SORCS3: variants seen among roughly 807,000 people sequenced by gnomAD.
SORCS3 encodes the protein sortilin related VPS10 domain containing receptor 3, also known as VPS10 domain-containing receptor SorCS3.
SORCS3 carries 57 observed loss-of-function variants against 146.3 expected under a neutral mutation model. The observed-to-expected ratio is 0.39, with a 90% confidence interval of 0.31 to 0.49. The LOEUF is 0.49. Ranked by LOEUF, SORCS3 falls within the 20% of genes least tolerant of loss-of-function variation. SORCS3 has a pLI of 0.92. For missense variants in SORCS3, 1,341 were observed against 1,575.5 expected (o/e 0.85, Z 2.52); for synonymous variants, 653 against 618.5 (o/e 1.06, Z -0.83).
chr10:105,162,219 A>C (rs1186335447), intron 11 of SORCS3, among the ~76,000 whole-genome samples: 1 of 152,196 alleles, frequency 6.6e-6, no homozygotes, highest in Non-Finnish European at 1.5e-5. Context: ...ATGAGGGTGA[A>C]AGCAAGTTGT....
intron 1 of SORCS3, among the ~76,000 whole-genome samples, chr10:104,812,085 C>T (rs528599602): frequency 1.2e-4 from 18 of 152,268 alleles, no homozygotes; most frequent in Non-Finnish European, 2.2e-4. Flanking sequence ...GGTAGTAGCA[C>T]CCTGAAAGGA....
At chr10:104,830,130 C>G (rs2017984227) in intron 1 of SORCS3, among the ~76,000 whole-genome samples, 1 of 152,128 alleles carries the variant, frequency 6.6e-6, no homozygotes, top group Non-Finnish European at 1.5e-5. Context: ...TCATCTCCCA[C>G]TTATGAGTGA....
intron 16 of SORCS3, among the ~76,000 whole-genome samples, chr10:105,209,743 A>G (rs941403367): frequency 2.0e-5 from 3 of 152,172 alleles, no homozygotes; most frequent in African/African-American, 7.2e-5. Context: ...ACATATAGAA[A>G]GATAAAGAGG....
At chr10:105,234,751 G>A (rs1442308309) in intron 20 of SORCS3, among the ~76,000 whole-genome samples, 1 of 151,242 alleles carries the variant, frequency 6.6e-6, no homozygotes, top group African/African-American at 2.4e-5. Context: ...TGTTTACATT[G>A]CTCATCTGTT....
At chr10:105,138,537 C>G (rs1249820094) in intron 7 of SORCS3, among the ~76,000 whole-genome samples, 1 of 152,220 alleles carries the variant, frequency 6.6e-6, no homozygotes, top group African/African-American at 2.4e-5. Flanking sequence ...GCTATTTTCT[C>G]TGAACAAGCC....
chr10:104,737,010 A>C (rs575256808), intron 1 of SORCS3, among the ~76,000 whole-genome samples: 1 of 151,142 alleles, frequency 6.6e-6, no homozygotes, highest in African/African-American at 2.4e-5. Context: ...ATTCCCATCT[A>C]TGACTGAGAA....
intron 1 of SORCS3, among the ~76,000 whole-genome samples, chr10:104,742,703 A>G (rs555142023): frequency 6.6e-6 from 1 of 152,292 alleles, no homozygotes; most frequent in South Asian, 2.1e-4. Context: ...GGACACTAAA[A>G]ATAAGGGCAA....
At chr10:105,214,131 T>C (rs898016389) in intron 17 of SORCS3, among the ~76,000 whole-genome samples, 1 of 152,144 alleles carries the variant, frequency 6.6e-6, no homozygotes, top group African/African-American at 2.4e-5. Flanking sequence ...CCTCCTCTTT[T>C]GTTGTGTGAG....
intron 1 of SORCS3, among the ~76,000 whole-genome samples, chr10:104,825,466 T>G (rs1374889055): frequency 1.3e-5 from 2 of 152,244 alleles, no homozygotes; most frequent in East Asian, 1.9e-4. Context: ...TATTTTCATT[T>G]GTGTTAATGA....
chr10:104,729,785 G>T (rs2016685346), intron 1 of SORCS3, among the ~76,000 whole-genome samples: 1 of 152,184 alleles, frequency 6.6e-6, no homozygotes, highest in African/African-American at 2.4e-5. Flanking sequence ...CGCCTGTCAG[G>T]AGGTGACTCG....
At chr10:104,959,999 T>C (rs1589567160) in intron 3 of SORCS3, among the ~76,000 whole-genome samples, 2 of 152,272 alleles carry the variant, frequency 1.3e-5, no homozygotes, top group South Asian at 2.1e-4. Context: ...GTCCATTGTC[T>C]CAAAGGGTTG....
chr10:105,100,828 T>C (rs2055779206), intron 6 of SORCS3, among the ~76,000 whole-genome samples: 1 of 152,260 alleles, frequency 6.6e-6, no homozygotes, highest in African/African-American at 2.4e-5. Context: ...TAACATTTAT[T>C]GATCTTTTAA....
intron 8 of SORCS3, among the ~76,000 whole-genome samples, chr10:105,139,820 A>G (rs2056083254): frequency 6.6e-6 from 1 of 152,268 alleles, no homozygotes; most frequent in Middle Eastern, 3.4e-3. Flanking sequence ...TTATCACCAA[A>G]TAGAAGGCCA....
At chr10:104,649,241 T>A (rs1046826608) in intron 1 of SORCS3, among the ~76,000 whole-genome samples, 12 of 152,188 alleles carry the variant, frequency 7.9e-5, no homozygotes, top group Admixed American at 6.5e-5. Context: ...GCCAGGTGCC[T>A]GGGTTCAAGT....
At chr10:105,025,415 G>A (rs11596297) in intron 4 of SORCS3, among the ~76,000 whole-genome samples, 1 of 152,078 alleles carries the variant, frequency 6.6e-6, no homozygotes, top group Admixed American at 6.6e-5. Context: ...TGCCTGTTTA[G>A]GTTTCTCATA....
chr10:104,739,201 G>A (rs2016812850), intron 1 of SORCS3, among the ~76,000 whole-genome samples: 2 of 152,220 alleles, frequency 1.3e-5, no homozygotes, highest in South Asian at 4.1e-4. Context: ...TCTGAGCGAT[G>A]TCAAGACACT....
At chr10:105,014,074 T>TATATATACACACATATATATAC in intron 4 of SORCS3, among the ~76,000 whole-genome samples, 1 of 99,774 alleles carries the variant, frequency 1.0e-5, no homozygotes, top group Non-Finnish European at 2.3e-5. Flanking sequence ...TATACATATA[T>TATATATACACACATATATATAC]ATATATATAC....
chr10:104,914,334 T>G (rs1257901764), intron 2 of SORCS3, among the ~76,000 whole-genome samples: 1 of 152,098 alleles, frequency 6.6e-6, no homozygotes, highest in Admixed American at 6.6e-5. Flanking sequence ...GTGCCTTGGG[T>G]GCCTAAGGAT....
At chr10:104,827,048 C>T (rs950024292) in intron 1 of SORCS3, among the ~76,000 whole-genome samples, 2 of 152,192 alleles carry the variant, frequency 1.3e-5, no homozygotes, top group Non-Finnish European at 2.9e-5. Flanking sequence ...TTCTAGTTCT[C>T]TTGCTATTTC....
Sources: gnomAD v4.1 joint callset for allele counts (sites outside exome capture counted in the v4.1 genomes callset) on GRCh38, gnomAD v4.1.1 for gene constraint, MANE v1.5 for transcripts, NCBI Gene and HGNC (gene_info 2026-07-23, HGNC 2026-07-21) for gene names.